The following PLAC1 variants were observed in gnomAD, a reference collection of about 807,000 sequenced individuals.
PLAC1 encodes placenta associated 1.
For synonymous variants in PLAC1, 68 were observed against 62.1 expected, an observed-to-expected ratio of 1.09 and a Z score of -0.44; for missense variants, 136 against 163.2, an observed-to-expected ratio of 0.83 and a Z score of 0.91.
intron 1 of PLAC1, among the ~76,000 whole-genome samples, chrX:134,751,130 A>C (rs2078744184): frequency 1.0e-5 from 1 of 99,418 alleles, no homozygotes; most frequent in Non-Finnish European, 2.0e-5. Context: ...CAAAAAAAAA[A>C]AAAAAGGAAA....
intron 1 of PLAC1, among the ~76,000 whole-genome samples, chrX:134,626,841 A>G (rs765080687): frequency 8.9e-5 from 10 of 112,199 alleles, no homozygotes; most frequent in African/African-American, 3.2e-4. Flanking sequence ...TCAACTACAA[A>G]CAAAATCAAG....
chrX:134,608,211 A>T (rs986201878), intron 1 of PLAC1, among the ~76,000 whole-genome samples: 3 of 112,042 alleles, frequency 2.7e-5, no homozygotes, highest in Non-Finnish European at 3.8e-5. Context: ...ATAGGTGTTC[A>T]AACAAAAACT....
At chrX:134,735,542 A>G (rs2078700681) in intron 1 of PLAC1, among the ~76,000 whole-genome samples, 1 of 111,796 alleles carries the variant, frequency 8.9e-6, no homozygotes, top group South Asian at 3.7e-4. Flanking sequence ...TCTCAAGTCC[A>G]GAGCCCAAAA....
chrX:134,739,603 T>C (rs1028193705), intron 1 of PLAC1, among the ~76,000 whole-genome samples: 3 of 112,744 alleles, frequency 2.7e-5, no homozygotes, highest in Admixed American at 9.4e-5. Context: ...AGTTCTCTTT[T>C]ACTTGTGTGA....
intron 1 of PLAC1, among the ~76,000 whole-genome samples, chrX:134,652,857 C>A (rs1199675570): frequency 1.8e-5 from 2 of 111,623 alleles, no homozygotes; most frequent in Non-Finnish European, 3.8e-5. Flanking sequence ...AGAGACATGG[C>A]AGAGCTGGAA....
chrX:134,583,316 T>A (rs1338149808), intron 2 of PLAC1, among the ~76,000 whole-genome samples: 4 of 108,006 alleles, frequency 3.7e-5, no homozygotes, highest in Non-Finnish European at 7.6e-5. Flanking sequence ...AGACTCAAAC[T>A]CCTGGCCTCA....
intron 2 of PLAC1, among the ~76,000 whole-genome samples, chrX:134,572,998 T>C (rs1305324613): frequency 8.9e-6 from 1 of 111,824 alleles, no homozygotes; most frequent in Non-Finnish European, 1.9e-5. Flanking sequence ...CCAAGCTCCT[T>C]GTAAGAGAGA....
At chrX:134,702,628 GA>G (rs1445878900) in intron 2 of PLAC1, among the ~76,000 whole-genome samples, 1 of 111,876 alleles carries the variant, frequency 8.9e-6, no homozygotes, top group Non-Finnish European at 1.9e-5. Flanking sequence ...GGCAAGGGTT[GA>G]AAAATTGTTG....
At chrX:134,690,657 T>C (rs1198507112) in intron 2 of PLAC1, among the ~76,000 whole-genome samples, 1 of 109,260 alleles carries the variant, frequency 9.2e-6, no homozygotes, top group Non-Finnish European at 1.9e-5. Context: ...AAAAATATCA[T>C]ATTGATGGCT....
intron 1 of PLAC1, among the ~76,000 whole-genome samples, chrX:134,617,081 C>T (rs1158366534): frequency 9.1e-6 from 1 of 109,634 alleles, no homozygotes; most frequent in East Asian, 2.8e-4. Flanking sequence ...CTCCACCTCC[C>T]GGGTTCAAGC....
intron 1 of PLAC1, among the ~76,000 whole-genome samples, chrX:134,613,718 C>CA (rs761256980): frequency 9.0e-6 from 1 of 110,722 alleles, no homozygotes; most frequent in South Asian, 4.0e-4. Flanking sequence ...CTCTAGAGAC[C>CA]AGTGAGCGCT....
At chrX:134,614,808 TTC>T (rs1054364888) in intron 1 of PLAC1, among the ~76,000 whole-genome samples, 1 of 111,066 alleles carries the variant, frequency 9.0e-6, no homozygotes, top group Non-Finnish European at 1.9e-5. Flanking sequence ...CTAATTTTTT[TTC>T]TTTTTCTTTT....
intron 2 of PLAC1, among the ~76,000 whole-genome samples, chrX:134,683,917 TA>T (rs2078506965): frequency 8.9e-6 from 1 of 112,040 alleles, no homozygotes; most frequent in Non-Finnish European, 1.9e-5. Flanking sequence ...AAGAAAAAGT[TA>T]AATTGGCATG....
chrX:134,622,840 T>C (rs185376219), intron 1 of PLAC1, among the ~76,000 whole-genome samples: 23 of 112,161 alleles, frequency 2.1e-4, no homozygotes, highest in African/African-American at 7.1e-4. Flanking sequence ...TGGTGGTCTA[T>C]GAAACAATCT....
At position 134,566,735 on chromosome X, in the gene PLAC1, G is replaced by C; in HGVS notation, c.-53C>G. 1 of 985,562 alleles carries C rather than the reference G, an allele frequency of 1.0e-6. No individual in the cohort carries two copies. The highest frequency in any genetic ancestry group is 3.1e-5 in the East Asian group (1 of 32,555). 81.2% of individuals were successfully genotyped at this position (985,562 alleles called of 1,213,427 possible). A position where few individuals can be genotyped will look rare whatever the true frequency, so the allele number is the denominator to read the frequency against. On this transcript the variant is annotated 5_prime_UTR_variant, in exon 3 of 3. Transcript: ENST00000359237. ...CAGGAAACAGGAAGCCGTCCAGTGA[G>C]GATTTCTAGAGCACAAAAAAACACA... is the stretch of plus-strand genomic sequence containing the variant.
At chrX:134,567,068 G>A (rs1156505847) in intron 2 of PLAC1, among the ~76,000 whole-genome samples, 3 of 112,257 alleles carry the variant, frequency 2.7e-5, no homozygotes, top group East Asian at 2.8e-4. Context: ...TGTGTCAAAC[G>A]TTGAATAAAG....
intron 2 of PLAC1, among the ~76,000 whole-genome samples, chrX:134,590,827 G>A (rs192502060): frequency 0.012 from 1,313 of 110,020 alleles, 13 homozygotes; most frequent in African/African-American, 0.03. Context: ...GGCTGGTCTC[G>A]AACTCCTGAC....
At chrX:134,631,203 G>T (rs756176347) in intron 1 of PLAC1, among the ~76,000 whole-genome samples, 1 of 112,888 alleles carries the variant, frequency 8.9e-6, no homozygotes, top group East Asian at 2.8e-4. Context: ...GCACGTAAAG[G>T]CCTGGGCCCT....
intron 1 of PLAC1, among the ~76,000 whole-genome samples, chrX:134,753,932 G>A (rs192356948): frequency 1.4e-4 from 16 of 111,344 alleles, no homozygotes; most frequent in East Asian, 2.8e-4. Context: ...TAAATACCCC[G>A]GATGACACAA....
Sources: allele counts gnomAD v4.1 joint callset (sites outside exome capture counted in the v4.1 genomes callset), GRCh38; gene constraint gnomAD v4.1.1; transcripts MANE v1.5; gene names NCBI Gene and HGNC (gene_info 2026-07-23, HGNC 2026-07-21).